Variants in PTGER3 observed in about 807,000 individuals in gnomAD.
PTGER3 encodes the protein prostaglandin E receptor 3.
PTGER3 carries 22 observed loss-of-function variants against 34.7 expected under a neutral mutation model. That is an observed-to-expected ratio of 0.63 (90% CI 0.45 to 0.91). PTGER3 has a LOEUF of 0.91. Among genes scored for constraint, PTGER3 ranks in the 40% least tolerant of loss-of-function variants. PTGER3 has a pLI of 0.00. For missense variants in PTGER3, 468 were observed against 519.4 expected (o/e 0.90, Z 0.96); for synonymous variants, 241 against 230.1 (o/e 1.05, Z -0.43).
chr1:70,932,620 T>A (rs1648818439), intron 4 of PTGER3, among the ~76,000 whole-genome samples: 1 of 152,064 alleles, frequency 6.6e-6, no homozygotes, highest in African/African-American at 2.4e-5. Context: ...AACCATCAGA[T>A]CTTATGAGAC....
chr1:70,914,159 G>A (rs1024559148), intron 4 of PTGER3, among the ~76,000 whole-genome samples: 9 of 151,748 alleles, frequency 5.9e-5, no homozygotes, highest in African/African-American at 1.7e-4. Flanking sequence ...TGAGGGAAAT[G>A]GATGAATGTG....
At chr1:70,956,683 G>T (rs1651370039) in intron 2 of PTGER3, among the ~76,000 whole-genome samples, 1 of 152,148 alleles carries the variant, frequency 6.6e-6, no homozygotes. Context: ...AGCAGAGGCA[G>T]TTGACCCAAA....
intron 2 of PTGER3, among the ~76,000 whole-genome samples, chr1:70,983,748 GA>G (rs1186916108): frequency 7.0e-6 from 1 of 143,480 alleles, no homozygotes; most frequent in Non-Finnish European, 1.5e-5. Flanking sequence ...GCAAAAGGAA[GA>G]ACAATTATTG....
intron 4 of PTGER3, among the ~76,000 whole-genome samples, chr1:70,936,738 A>G (rs2100524630): frequency 6.6e-6 from 1 of 152,308 alleles, no homozygotes; most frequent in East Asian, 1.9e-4. Context: ...CTGTAAATTC[A>G]TACTTCTCTG....
intron 1 of PTGER3, among the ~76,000 whole-genome samples, chr1:71,037,119 C>T (rs1659908061): frequency 6.6e-6 from 1 of 152,194 alleles, no homozygotes; most frequent in Admixed American, 6.5e-5. Flanking sequence ...TTAGGGCCAT[C>T]ATGCTGCACT....
chr1:70,981,320 C>CTTCTTTCTTTCT (rs57513190), intron 2 of PTGER3, among the ~76,000 whole-genome samples: 4 of 71,386 alleles, frequency 5.6e-5, no homozygotes, highest in East Asian at 3.8e-4. Flanking sequence ...TCCTTCCTTT[C>CTTCTTTCTTTCT]TTCTTTCTTT....
chr1:71,014,138 T>C (rs1030538459), intron 1 of PTGER3, among the ~76,000 whole-genome samples: 4 of 152,224 alleles, frequency 2.6e-5, no homozygotes, highest in Non-Finnish European at 5.9e-5. Flanking sequence ...GCTTGTGGTT[T>C]TTTTTTGCTC....
intron 4 of PTGER3, among the ~76,000 whole-genome samples, chr1:70,863,837 G>T (rs761398154): frequency 6.6e-6 from 1 of 152,118 alleles, no homozygotes; most frequent in Non-Finnish European, 1.5e-5. Context: ...GCTATGGTGA[G>T]TATATGGTAG....
At chr1:70,981,349 TTCTTTCTTTCTTTC>T (rs1654292710) in intron 2 of PTGER3, among the ~76,000 whole-genome samples, 1 of 89,402 alleles carries the variant, frequency 1.1e-5, no homozygotes, top group Admixed American at 1.4e-4. Flanking sequence ...CTTTCTTTCT[TTCTTTCTTTCTTTC>T]TTTCTTTCTT....
At chr1:71,003,626 A>T (rs986571529) in intron 2 of PTGER3, among the ~76,000 whole-genome samples, 1 of 152,182 alleles carries the variant, frequency 6.6e-6, no homozygotes, top group Non-Finnish European at 1.5e-5. Flanking sequence ...TTATCATCAC[A>T]TGATTGCAAC....
chr1:70,920,211 A>G (rs1647393691), intron 4 of PTGER3, among the ~76,000 whole-genome samples: 1 of 152,178 alleles, frequency 6.6e-6, no homozygotes, highest in African/African-American at 2.4e-5. Flanking sequence ...TGTTCAAGAA[A>G]CAAATTAAGT....
At chr1:70,992,612 C>T (rs1269070138) in intron 2 of PTGER3, among the ~76,000 whole-genome samples, 2 of 152,178 alleles carry the variant, frequency 1.3e-5, no homozygotes, top group African/African-American at 4.8e-5. Context: ...CTAGCAGCTT[C>T]ATGTCTCAAA....
At chr1:70,926,164 G>T (rs957932809) in intron 4 of PTGER3, among the ~76,000 whole-genome samples, 3 of 152,292 alleles carry the variant, frequency 2.0e-5, no homozygotes, top group Middle Eastern at 3.4e-3. Flanking sequence ...CAAATTATAT[G>T]AGGTGGAGTA....
At chr1:70,996,651 A>ATTTATTTG (rs1553173518) in intron 2 of PTGER3, among the ~76,000 whole-genome samples, 1 of 137,142 alleles carries the variant, frequency 7.3e-6, no homozygotes, top group Admixed American at 7.5e-5. Context: ...TTATTTATTT[A>ATTTATTTG]TTTATTTATT....
intron 4 of PTGER3, among the ~76,000 whole-genome samples, chr1:70,931,424 C>T (rs1486031504): frequency 6.6e-6 from 1 of 152,244 alleles, no homozygotes; most frequent in Non-Finnish European, 1.5e-5. Flanking sequence ...AGTAGGGACT[C>T]TGTGTGGGGG....
At chr1:70,933,468 G>A (rs960457365) in intron 4 of PTGER3, among the ~76,000 whole-genome samples, 8 of 152,136 alleles carry the variant, frequency 5.3e-5, no homozygotes, top group South Asian at 2.1e-4. Context: ...AATATTTGCC[G>A]ATATCATTTA....
chr1:70,961,194 C>G (rs763155720), intron 2 of PTGER3, among the ~76,000 whole-genome samples: 3 of 152,228 alleles, frequency 2.0e-5, no homozygotes, highest in Admixed American at 6.5e-5. Flanking sequence ...GACTTTCTGA[C>G]TCAACCTCCA....
chr1:70,947,775 C>T (rs1309725766), downstream of PTGER3, among the ~76,000 whole-genome samples: 3 of 152,002 alleles, frequency 2.0e-5, no homozygotes, highest in Non-Finnish European at 4.4e-5. Context: ...GTACTGGTGA[C>T]TAAAATAAAC....
chr1:70,926,570 G>A (rs1648110890), intron 4 of PTGER3, among the ~76,000 whole-genome samples: 3 of 152,144 alleles, frequency 2.0e-5, no homozygotes, highest in Admixed American at 2.0e-4. Context: ...TCAGCTTAAG[G>A]AGATTTTGGG....
Sources: gnomAD v4.1 joint callset for allele counts (sites outside exome capture counted in the v4.1 genomes callset) on GRCh38, gnomAD v4.1.1 for gene constraint, MANE v1.5 for transcripts, NCBI Gene and HGNC (gene_info 2026-07-23, HGNC 2026-07-21) for gene names.